IRF2: variants seen among roughly 807,000 people sequenced by gnomAD.
The protein encoded by IRF2 is interferon regulatory factor 2.
A neutral mutation model predicts 40.6 loss-of-function variants in IRF2; 15 were observed. The ratio of observed to expected loss-of-function variants is 0.37; its 90% confidence interval spans 0.25 to 0.57. The LOEUF is 0.57. IRF2 is among the 20% of genes least tolerant of loss of function. The probability of loss-of-function intolerance (pLI) is 0.77; values close to 1 mark genes in which losing one functional copy is unlikely to be tolerated. For missense variants in IRF2, 317 were observed against 455.7 expected (o/e 0.70, Z 2.77); for synonymous variants, 151 against 165.5 (o/e 0.91, Z 0.67).
chr4:184,407,592 C>G lies in IRF2; in HGVS notation c.529+566G>C, dbSNP rs189896438. On this transcript the variant is annotated intron_variant, in intron 6 of 8. Coordinates refer to ENST00000393593, the MANE Select transcript of IRF2 (RefSeq NM_002199.4). The stretch of plus-strand genomic sequence containing the variant: ...GCAGTATTTACCACACATGGTAACA[C>G]TGCAGTTATCTGGGGGTGTCTTTGT... Among the ~76,000 whole-genome samples, 475 of 152,348 alleles carry G rather than the reference C, an allele frequency of 3.1e-3. 3 individuals carry two copies. The highest frequency in any genetic ancestry group is 4.0e-3 in the Non-Finnish European group (270 of 68,026).
intron 1 of IRF2, among the ~76,000 whole-genome samples, chr4:184,451,936 C>A (rs1738727974): frequency 6.6e-6 from 1 of 152,234 alleles, no homozygotes; most frequent in Non-Finnish European, 1.5e-5. Flanking sequence ...GTCTGGGACT[C>A]TTCCTAAAAG....
intron 1 of IRF2, among the ~76,000 whole-genome samples, chr4:184,467,506 A>T (rs1415261334): frequency 6.6e-6 from 1 of 152,206 alleles, no homozygotes; most frequent in Admixed American, 6.5e-5. Flanking sequence ...GGTAAAAAGG[A>T]CAAAAGAATT....
intron 1 of IRF2, 89 bp from the exon 2 acceptor site, chr4:184,429,159 C>A: frequency 1.1e-6 from 1 of 873,240 alleles, no homozygotes; most frequent in Non-Finnish European, 1.8e-6. Flanking sequence ...TGACTCTTTC[C>A]TTCTCTCCTT....
At chr4:184,433,421 G>A (rs1010001786) in intron 1 of IRF2, among the ~76,000 whole-genome samples, 3 of 152,160 alleles carry the variant, frequency 2.0e-5, no homozygotes, top group Non-Finnish European at 4.4e-5. Flanking sequence ...ACTGGTCGGC[G>A]TGCCGGGCTT....
intron 2 of IRF2, among the ~76,000 whole-genome samples, chr4:184,424,469 T>C (rs1737597353): frequency 6.6e-6 from 1 of 152,114 alleles, no homozygotes; most frequent in Non-Finnish European, 1.5e-5. Context: ...AATGGATTAA[T>C]CCATTCAGGG....
At chr4:184,440,043 A>G (rs1461609235) in intron 1 of IRF2, among the ~76,000 whole-genome samples, 1 of 152,222 alleles carries the variant, frequency 6.6e-6, no homozygotes, top group African/African-American at 2.4e-5. Flanking sequence ...CAAACTCTCA[A>G]AGGGCAGTTC....
chr4:184,430,363 A>AGCCTTTTCCTTGTATGCCT (rs1378642835), intron 1 of IRF2, among the ~76,000 whole-genome samples: 10 of 150,804 alleles, frequency 6.6e-5, no homozygotes, highest in East Asian at 1.9e-4. Flanking sequence ...AGTCTGGCCC[A>AGCCTTTTCCTTGTATGCCT]CTGACTGCTG....
intron 1 of IRF2, among the ~76,000 whole-genome samples, chr4:184,438,275 G>C (rs1738161882): frequency 6.6e-6 from 1 of 152,208 alleles, no homozygotes; most frequent in South Asian, 2.1e-4. Flanking sequence ...TGACTCCAAA[G>C]AATATGCCAG....
chr4:184,445,746 C>A (rs1029487911), intron 1 of IRF2, among the ~76,000 whole-genome samples: 4 of 152,054 alleles, frequency 2.6e-5, no homozygotes, highest in Admixed American at 2.6e-4. Context: ...CTTCCTTCCT[C>A]CACCCTTCCT....
intron 1 of IRF2, among the ~76,000 whole-genome samples, chr4:184,459,166 T>C (rs1052829571): frequency 1.3e-5 from 2 of 151,982 alleles, no homozygotes; most frequent in African/African-American, 2.4e-5. Flanking sequence ...CACTACCATA[T>C]CCGAGTCCCA....
At position 184,388,216 on chromosome 4, in the gene IRF2, TGG is replaced by T. The variant is rs1421165169; in HGVS notation, c.*540_*541del. 6.9e-6 allele frequency: 1 copy of T among 144,388 alleles called. No homozygotes were observed. Among genetic ancestry groups the T allele is most frequent in the African/African-American group, 2.6e-5 (1 of 38,702 alleles). 8.9% of individuals were successfully genotyped at this position (144,388 alleles called of 1,614,324 possible). On this transcript the variant is annotated 3_prime_UTR_variant, in exon 9 of 9. Transcript: ENST00000393593. This position sits in a 1 kb window ranked among gnomAD's most constrained non-coding sequence, Gnocchi z 4.6. ...AAAGTAGGAAAAGAGCGGGATGGGA[TGG>T]GATGGGATGGGATGGGATGGGATGG...
intron 2 of IRF2, among the ~76,000 whole-genome samples, chr4:184,425,249 G>A (rs1737625366): frequency 6.6e-6 from 1 of 152,234 alleles, no homozygotes; most frequent in African/African-American, 2.4e-5. Context: ...GAATGCTTGT[G>A]AATGGGAGGG....
chr4:184,456,656 G>T (rs1446503201), intron 1 of IRF2, among the ~76,000 whole-genome samples: 1 of 152,252 alleles, frequency 6.6e-6, no homozygotes, highest in Non-Finnish European at 1.5e-5. Flanking sequence ...CCGGGAAACC[G>T]GGTGCCTGAG....
chr4:184,473,927 T>G (rs1281277831), intron 1 of IRF2: 1 of 151,682 alleles, frequency 6.6e-6, no homozygotes, highest in Non-Finnish European at 1.5e-5. Context: ...AACACGCACA[T>G]ACACACAATT....
chr4:184,465,292 G>C (rs982539954), intron 1 of IRF2, among the ~76,000 whole-genome samples: 2 of 152,180 alleles, frequency 1.3e-5, no homozygotes, highest in Non-Finnish European at 2.9e-5. Flanking sequence ...AGGCAGAAAG[G>C]CTCGAGAATG....
At chr4:184,416,398 TA>T (rs569437089) in intron 5 of IRF2, among the ~76,000 whole-genome samples, 517 of 136,758 alleles carry the variant, frequency 3.8e-3, no homozygotes, top group Middle Eastern at 7.2e-3. Context: ...TGTTCAATTG[TA>T]AAAAAAAAAA....
intron 5 of IRF2, among the ~76,000 whole-genome samples, chr4:184,409,367 C>A (rs1736986912): frequency 6.6e-6 from 1 of 152,106 alleles, no homozygotes; most frequent in Non-Finnish European, 1.5e-5. Flanking sequence ...AAATAACCTC[C>A]TCCTTCATAA....
chr4:184,471,481 T>G (rs1330616502), intron 1 of IRF2, among the ~76,000 whole-genome samples: 4 of 152,222 alleles, frequency 2.6e-5, no homozygotes, highest in Non-Finnish European at 2.9e-5. Flanking sequence ...CTTTTTGGTA[T>G]AAGGCAGATA....
At chr4:184,464,236 G>A (rs906427076) in intron 1 of IRF2, among the ~76,000 whole-genome samples, 5 of 151,186 alleles carry the variant, frequency 3.3e-5, no homozygotes, top group African/African-American at 4.9e-5. Context: ...ATATGAAGAT[G>A]GGGACTGTTA....
Sources: gnomAD v4.1 joint callset for allele counts (sites outside exome capture counted in the v4.1 genomes callset) on GRCh38, gnomAD v4.1.1 for gene constraint, Gnocchi (gnomAD v3.1) non-coding constraint, MANE v1.5 for transcripts, NCBI Gene and HGNC (gene_info 2026-07-23, HGNC 2026-07-21) for gene names.